The following SORCS1 variants were observed in gnomAD, a reference collection of about 807,000 sequenced individuals.
The protein encoded by SORCS1 is sortilin related VPS10 domain containing receptor 1, also known as VPS10 domain-containing receptor SorCS1.
In SORCS1, 60 loss-of-function variants were observed where a neutral mutation model predicts 146.1. The ratio of observed to expected loss-of-function variants is 0.41; its 90% CI spans 0.33 to 0.51. The LOEUF is 0.51. Among genes scored for constraint, SORCS1 ranks in the 20% least tolerant of loss-of-function variants. The pLI is 0.21. For synonymous variants in SORCS1, 637 were observed against 584.0 expected, an observed-to-expected ratio of 1.09 and a Z score of -1.31; for missense variants, 1,352 against 1,487.6, an observed-to-expected ratio of 0.91 and a Z score of 1.50.
At chr10:107,124,930 TTTTC>T (rs1054855241) in intron 1 of SORCS1, among the ~76,000 whole-genome samples, 3 of 151,350 alleles carry the variant, frequency 2.0e-5, no homozygotes, top group Non-Finnish European at 4.4e-5. Context: ...CTCAGCTTTC[TTTTC>T]TTTCTTTCTT....
At chr10:107,178,505 T>A in the SORCS1 span, among the ~76,000 whole-genome samples, 15 of 131,036 alleles carry the variant, frequency 1.1e-4, 1 homozygote, top group African/African-American at 3.5e-4. Context: ...TATATATATT[T>A]TTTTTTAAGA....
intron 2 of SORCS1, among the ~76,000 whole-genome samples, chr10:106,921,217 C>T (rs978469549): frequency 6.6e-6 from 1 of 152,114 alleles, no homozygotes; most frequent in Non-Finnish European, 1.5e-5. Context: ...ATTCATGGGG[C>T]TCAAAGTGAG....
chr10:106,964,426 C>T (rs1955401154), intron 1 of SORCS1, among the ~76,000 whole-genome samples: 1 of 152,096 alleles, frequency 6.6e-6, no homozygotes, highest in South Asian at 2.1e-4. Context: ...GCCTCAGTGT[C>T]CTGGGTGGAT....
chr10:106,794,373 TG>T (rs1354901478), intron 3 of SORCS1, among the ~76,000 whole-genome samples: 15 of 152,192 alleles, frequency 9.9e-5, no homozygotes. Context: ...AACAAAGTAT[TG>T]CATCCTTCTG....
intron 2 of SORCS1, among the ~76,000 whole-genome samples, chr10:106,920,527 C>T (rs1240797109): frequency 1.3e-5 from 2 of 152,164 alleles, no homozygotes; most frequent in Non-Finnish European, 2.9e-5. Context: ...CATCCCTACA[C>T]CCACCCTGTC....
intron 2 of SORCS1, among the ~76,000 whole-genome samples, chr10:106,925,585 T>G (rs1161715873): frequency 6.6e-6 from 1 of 152,214 alleles, no homozygotes; most frequent in Non-Finnish European, 1.5e-5. Flanking sequence ...CTTCCCTCAC[T>G]GTTCCCTCCA....
chr10:106,841,535 A>T (rs1377006955), intron 2 of SORCS1, among the ~76,000 whole-genome samples: 1 of 152,202 alleles, frequency 6.6e-6, no homozygotes, highest in Non-Finnish European at 1.5e-5. Context: ...CACACTTAAT[A>T]GACTGTAGTA....
chr10:106,940,433 C>T (rs1419416722), intron 2 of SORCS1, among the ~76,000 whole-genome samples: 2 of 152,150 alleles, frequency 1.3e-5, no homozygotes, highest in African/African-American at 4.8e-5. Context: ...AGCATGTGTC[C>T]TTCGAAATGT....
intron 1 of SORCS1, among the ~76,000 whole-genome samples, chr10:106,987,519 C>A (rs1956533770): frequency 6.6e-6 from 1 of 152,218 alleles, no homozygotes; most frequent in Admixed American, 6.5e-5. Flanking sequence ...TACCCATGGA[C>A]ACCTGTGTGC....
At position 106,839,440 on chromosome 10, in the gene SORCS1, G is replaced by T. The variant is rs999430067; in HGVS notation, c.627-9767C>A. Among the ~76,000 whole-genome samples the T allele has an allele frequency of 3.3e-5, 5 of 152,146 alleles. No homozygotes were observed. In the East Asian group the frequency reaches 5.8e-4, roughly 18 times the overall value. On this transcript the variant is annotated intron_variant, in intron 2 of 25. Transcript: ENST00000263054. Reference sequence around the variant, plus strand: ...CGTAATTTTCCTCAACTCTATGAAGGCCAAGAGGTGAAGACGCTGTGGAAG... The same window carrying T: ...CGTAATTTTCCTCAACTCTATGAAGTCCAAGAGGTGAAGACGCTGTGGAAG...
intron 1 of SORCS1, among the ~76,000 whole-genome samples, chr10:107,081,094 G>C (rs896482064): frequency 5.9e-5 from 9 of 152,166 alleles, no homozygotes; most frequent in Non-Finnish European, 1.0e-4. Context: ...TACCATAACT[G>C]CAGTTCAGTT....
intron 1 of SORCS1, among the ~76,000 whole-genome samples, chr10:107,071,089 G>T (rs60950834): frequency 1.2e-4 from 19 of 152,048 alleles, no homozygotes; most frequent in Non-Finnish European, 2.8e-4. Context: ...GACAGTGACC[G>T]GCAGGAGTCA....
At chr10:106,606,330 C>T (rs1269450972) in intron 23 of SORCS1, among the ~76,000 whole-genome samples, 1 of 149,596 alleles carries the variant, frequency 6.7e-6, no homozygotes, top group Non-Finnish European at 1.5e-5. Context: ...CACTCAAATG[C>T]TCCAGAAGGT....
intron 1 of SORCS1, among the ~76,000 whole-genome samples, chr10:107,092,624 G>T (rs1452822253): frequency 6.6e-6 from 1 of 152,148 alleles, no homozygotes; most frequent in African/African-American, 2.4e-5. Context: ...ACATACTACA[G>T]ATTAGCAAAG....
intron 18 of SORCS1, among the ~76,000 whole-genome samples, chr10:106,642,363 A>G (rs967603086): frequency 2.0e-5 from 3 of 152,224 alleles, no homozygotes; most frequent in African/African-American, 7.2e-5. Context: ...AGGGACCTCT[A>G]GGTTTCTTTG....
chr10:106,909,692 T>C (rs954811176), intron 2 of SORCS1, among the ~76,000 whole-genome samples: 6 of 152,228 alleles, frequency 3.9e-5, no homozygotes, highest in African/African-American at 1.4e-4. Flanking sequence ...CTGTGAATGA[T>C]TAATTTTTTA....
chr10:106,801,806 A>C (rs565386411), intron 3 of SORCS1, among the ~76,000 whole-genome samples: 32 of 152,190 alleles, frequency 2.1e-4, no homozygotes, highest in Non-Finnish European at 4.4e-4. Context: ...CTGGGATTAC[A>C]GGCGTGAGCC....
Position 107,013,784 on chromosome 10 carries a change from A to T in SORCS1, c.559-57204T>A, listed in dbSNP as rs113062467. On this transcript the variant is annotated intron_variant, in intron 1 of 25. Coordinates refer to ENST00000263054, the MANE Select transcript of SORCS1 (RefSeq NM_052918.5). The stretch of plus-strand genomic sequence containing the variant: ...GCGTGTCTGACCTCCTCATGCTACA[A>T]GGATACAGAACCAGGTTGTTGAAGA... 7.2e-3 allele frequency among the ~76,000 whole-genome samples: 1,100 copies of T among 152,252 alleles called. 12 individuals carry two copies. The highest frequency in any genetic ancestry group is 0.025 in the African/African-American group (1,053 of 41,532).
At chr10:106,993,244 A>G (rs1200832950) in intron 1 of SORCS1, among the ~76,000 whole-genome samples, 2 of 152,152 alleles carry the variant, frequency 1.3e-5, no homozygotes, top group Non-Finnish European at 2.9e-5. Flanking sequence ...CTACCCATAC[A>G]TGTCTTTTCA....
Sources: allele counts gnomAD v4.1 joint callset (sites outside exome capture counted in the v4.1 genomes callset), GRCh38; gene constraint gnomAD v4.1.1; transcripts MANE v1.5; gene names NCBI Gene and HGNC (gene_info 2026-07-23, HGNC 2026-07-21).